Variants in SREK1 observed in about 807,000 individuals in gnomAD.
SREK1 encodes splicing regulatory glutamine/lysine-rich protein 1.
A neutral mutation model predicts 66.5 loss-of-function variants in SREK1; 13 were observed. That is an observed-to-expected ratio of 0.20 (90% CI 0.13 to 0.31). The LOEUF (loss-of-function observed/expected upper bound fraction) is 0.31. SREK1 is among the 10% of genes least tolerant of loss of function. The pLI is 1.00. For synonymous variants in SREK1, 265 were observed against 263.5 expected, an observed-to-expected ratio of 1.01 and a Z score of -0.05; for missense variants, 607 against 769.6, an observed-to-expected ratio of 0.79 and a Z score of 2.50.
At chr5:66,160,564 T>C (rs1744672118) in intron 3 of SREK1, among the ~76,000 whole-genome samples, 1 of 152,182 alleles carries the variant, frequency 6.6e-6, no homozygotes, top group African/African-American at 2.4e-5. Flanking sequence ...ACACAGATTA[T>C]GGTAGGGCTT....
intron 1 of SREK1, among the ~76,000 whole-genome samples, chr5:66,152,907 C>T (rs192043691): frequency 9.2e-5 from 14 of 152,024 alleles, no homozygotes; most frequent in Non-Finnish European, 1.6e-4. Context: ...TCTTTGTTGC[C>T]TATAAAATAT....
At chr5:66,154,106 C>T (rs1164239934) in intron 2 of SREK1, among the ~76,000 whole-genome samples, 2 of 151,994 alleles carry the variant, frequency 1.3e-5, no homozygotes, top group Non-Finnish European at 2.9e-5. Flanking sequence ...TAATTGTTTG[C>T]TTTGCAACTG....
intron 3 of SREK1, 110 bp downstream of exon 3, chr5:66,159,444 T>A (rs63114960): frequency 9.5e-6 from 8 of 842,930 alleles, no homozygotes; most frequent in African/African-American, 3.5e-5. Flanking sequence ...TTTTTTTTTT[T>A]AATAGAGAGG....
At chr5:66,174,778 C>T in intron 9 of SREK1, 168 bp from the exon 10 acceptor site, 1 of 486,484 alleles carries the variant, frequency 2.1e-6, no homozygotes, top group Non-Finnish European at 3.6e-6. Flanking sequence ...TAATTTGACC[C>T]ACTCTAAAGT....
In SREK1 at chr5:66,180,794, CTTAT is replaced by C. The variant is rs762349508; in HGVS notation, c.*1931_*1934del. On this transcript the variant is annotated 3_prime_UTR_variant, in exon 12 of 12. Coordinates refer to ENST00000334121, the MANE Select transcript of SREK1 (RefSeq NM_001077199.3). The stretch of plus-strand genomic sequence containing the variant: ...GAGTGTGTCTTGCATCAACAGCTGT[CTTAT>C]TTATGATATATAAGTAGAAATAGAG... 2 of 152,280 alleles carry C rather than the reference CTTAT, an allele frequency of 1.3e-5. No homozygotes were observed. Among genetic ancestry groups the C allele is most frequent in the Admixed American group, 6.6e-5 (1 of 15,242 alleles). 9.4% of individuals were successfully genotyped at this position (152,280 alleles called of 1,614,324 possible). A position where few individuals can be genotyped will look rare whatever the true frequency, so the allele number is the denominator to read the frequency against.
Position 66,159,365 on chromosome 5 carries a change from G to T in SREK1, c.411+31G>T, listed in dbSNP as rs553173505. On this transcript the variant is annotated intron_variant, in intron 3 of 11. Coordinates refer to ENST00000334121, the MANE Select transcript of SREK1 (RefSeq NM_001077199.3). ...TACTATAAGCTGGCTTATGAAAGAG[G>T]TGAATGTTCAACTGTGTGACCAGTT... The T allele has an allele frequency of 6.4e-6, 10 of 1,558,672 alleles. No individual in the cohort carries two copies. In the East Asian group the frequency reaches 1.1e-4, roughly 18 times the overall value.
chr5:66,146,667 A>G (rs1743233614), intron 1 of SREK1, among the ~76,000 whole-genome samples: 1 of 151,962 alleles, frequency 6.6e-6, no homozygotes, highest in Non-Finnish European at 1.5e-5. Context: ...TCTGCTTCGT[A>G]ATGAAGTTGT....
At chr5:66,164,729 C>T (rs748548907) in intron 6 of SREK1, 54 bp from the exon 7 acceptor site, 9 of 1,612,996 alleles carry the variant, frequency 5.6e-6, no homozygotes, top group Non-Finnish European at 7.6e-6. Context: ...TGATTATTAA[C>T]TGGGATCTTT....
chr5:66,180,954 T>C lies in SREK1; in HGVS notation c.*2086T>C, dbSNP rs967419470. 1.3e-5 allele frequency: 2 copies of C among 152,224 alleles called. No individual in the cohort carries two copies. The highest frequency in any genetic ancestry group is 6.5e-5 in the Admixed American group (1 of 15,276). The allele number at this position is 152,224 out of a possible 1,614,324, so 9.4% of individuals were successfully genotyped here. On this transcript the variant is annotated 3_prime_UTR_variant, in exon 12 of 12. Coordinates refer to ENST00000334121, the MANE Select transcript of SREK1 (RefSeq NM_001077199.3). ...CTGCTCATTTTAGTTGTCATAGAGA[T>C]TGTTGTGACGTGGAGAGTGCATGTT...
At chr5:66,170,539 G>T in intron 8 of SREK1, 46 bp from the exon 9 acceptor site, 2 of 1,552,712 alleles carry the variant, frequency 1.3e-6, no homozygotes, top group South Asian at 1.3e-5. Context: ...TTTTGGAGGA[G>T]GTAGAACTAT....
intron 11 of SREK1, among the ~76,000 whole-genome samples, chr5:66,177,938 A>G (rs930267951): frequency 6.6e-6 from 1 of 152,098 alleles, no homozygotes; most frequent in Non-Finnish European, 1.5e-5. Flanking sequence ...TTTTATGTAG[A>G]TAGGATTTCT....
intron 9 of SREK1, among the ~76,000 whole-genome samples, chr5:66,174,206 A>AT (rs1745877226): frequency 6.6e-6 from 1 of 152,186 alleles, no homozygotes; most frequent in Non-Finnish European, 1.5e-5. Context: ...GAGTTGAAGT[A>AT]GTTTAGAATA....
intron 6 of SREK1, 43 bp downstream of exon 6, chr5:66,163,965 A>G (rs543522109): frequency 1.9e-6 from 3 of 1,586,684 alleles, no homozygotes; most frequent in South Asian, 1.1e-5. Flanking sequence ...TTTAAAGATC[A>G]TAGACTCTTA....
chr5:66,181,634 A>G lies in SREK1; in HGVS notation c.*2766A>G, dbSNP rs948623992. The G allele has an allele frequency of 2.0e-5, 3 of 152,136 alleles. No individual in the cohort carries two copies. The highest frequency in any genetic ancestry group is 7.2e-5 in the African/African-American group (3 of 41,420). 9.4% of individuals were successfully genotyped at this position (152,136 alleles called of 1,614,324 possible). A position where few individuals can be genotyped will look rare whatever the true frequency, so the allele number is the denominator to read the frequency against. ...ACGTATGCTGAACTAGTATCATAAGATGGTGCATCAGTTCATAAGCTAGTG... is the reference window on the plus strand; with the variant it reads ...ACGTATGCTGAACTAGTATCATAAGGTGGTGCATCAGTTCATAAGCTAGTG... On this transcript the variant is annotated 3_prime_UTR_variant, in exon 12 of 12. Coordinates refer to ENST00000334121, the MANE Select transcript of SREK1 (RefSeq NM_001077199.3).
chr5:66,147,783 C>A (rs1316544585), intron 1 of SREK1, among the ~76,000 whole-genome samples: 1 of 152,182 alleles, frequency 6.6e-6, no homozygotes, highest in Non-Finnish European at 1.5e-5. Context: ...TAGTCCTTTT[C>A]ACATGCGTTA....
chr5:66,170,319 T>A, intron 8 of SREK1, 149 bp downstream of exon 8: 1 of 1,183,864 alleles, frequency 8.4e-7, no homozygotes, highest in Non-Finnish European at 1.2e-6. Context: ...ATTGTTTTAG[T>A]AATCTAGGAT....
chr5:66,179,052 A>T lies in SREK1; in HGVS notation c.*184A>T. On this transcript the variant is annotated 3_prime_UTR_variant, in exon 12 of 12. Coordinates refer to ENST00000334121, the MANE Select transcript of SREK1 (RefSeq NM_001077199.3). The stretch of plus-strand genomic sequence containing the variant: ...AGTAAGAAAATAAAGCATGGACATC[A>T]TGAAAATAACAGATGTTACCCAAAC... 1 of 551,548 alleles carries T rather than the reference A, an allele frequency of 1.8e-6. No individual in the cohort carries two copies. The highest frequency in any genetic ancestry group is 2.8e-6 in the Non-Finnish European group (1 of 351,502). 34.2% of individuals were successfully genotyped at this position (551,548 alleles called of 1,614,324 possible). A position where few individuals can be genotyped will look rare whatever the true frequency, so the allele number is the denominator to read the frequency against.
intron 7 of SREK1, 184 bp downstream of exon 7, chr5:66,165,081 G>C: frequency 2.0e-6 from 1 of 497,356 alleles, no homozygotes; most frequent in African/African-American, 2.0e-5. Flanking sequence ...TTTGTCTAAT[G>C]ATACTTAATT....
intron 1 of SREK1, among the ~76,000 whole-genome samples, chr5:66,151,397 G>A (rs1743793366): frequency 6.6e-6 from 1 of 152,186 alleles, no homozygotes; most frequent in African/African-American, 2.4e-5. Flanking sequence ...GAATTTTATT[G>A]TGTACCTAGA....
Sources: gnomAD v4.1 joint callset for allele counts (sites outside exome capture counted in the v4.1 genomes callset) on GRCh38, gnomAD v4.1.1 for gene constraint, MANE v1.5 for transcripts, NCBI Gene and HGNC (gene_info 2026-07-23, HGNC 2026-07-21) for gene names.